VPS13B: variants seen among roughly 807,000 people sequenced by gnomAD.
VPS13B encodes the protein intermembrane lipid transfer protein VPS13B.
A neutral mutation model predicts 426.4 loss-of-function variants in VPS13B; 285 were observed. The ratio of observed to expected loss-of-function variants is 0.67; its 90% CI spans 0.61 to 0.74. VPS13B has a LOEUF of 0.74. Among genes scored for constraint, VPS13B ranks in the 30% least tolerant of loss-of-function variants. The probability of loss-of-function intolerance (pLI) is 0.00; values close to 1 mark genes in which losing one functional copy is unlikely to be tolerated. For missense variants in VPS13B, 4,537 were observed against 4,782.6 expected (o/e 0.95, Z 1.51); for synonymous variants, 1,676 against 1,676.4 (o/e 1.00, Z 0.01).
At position 99,601,792 on chromosome 8, in the gene VPS13B, C is replaced by T. The variant is rs140137547; in HGVS notation, c.5220+24159C>T. Among the ~76,000 whole-genome samples, 577 of 152,130 alleles carry T rather than the reference C, an allele frequency of 3.8e-3. 4 individuals are homozygous for T. The highest frequency in any genetic ancestry group is 0.013 in the African/African-American group (537 of 41,530). ...TTCATATGTTTGTTGGCTGCATAAA[C>T]GTCTTCTTTTGAAAAGTGTCTGTTC... On this transcript the variant is annotated intron_variant, in intron 33 of 61. Transcript: ENST00000357162.
At chr8:99,601,407 C>T (rs1006608363) in intron 33 of VPS13B, among the ~76,000 whole-genome samples, 5 of 152,148 alleles carry the variant, frequency 3.3e-5, no homozygotes, top group African/African-American at 1.2e-4. Flanking sequence ...CATTGATGGG[C>T]ATTCAGGTTG....
At chr8:99,634,456 G>A (rs1379315637) in intron 33 of VPS13B, among the ~76,000 whole-genome samples, 1 of 151,936 alleles carries the variant, frequency 6.6e-6, no homozygotes, top group East Asian at 1.9e-4. Context: ...AGCCGGAAAA[G>A]TAACTTCATG....
rs1313765466 is a variant in VPS13B at position 99,641,742 on chromosome 8, A to C, written c.5221-69A>C. Reference sequence around the variant, plus strand: ...AAATTTTCTCTTTGACAACATGTTTATATAACATTGTTTATATGACACTTG... The same window carrying C: ...AAATTTTCTCTTTGACAACATGTTTCTATAACATTGTTTATATGACACTTG... On this transcript the variant is annotated intron_variant, in intron 33 of 61. Coordinates refer to ENST00000357162, the MANE Select transcript of VPS13B (RefSeq NM_152564.5). 23 of 1,439,848 alleles carry C rather than the reference A, an allele frequency of 1.6e-5. No individual in the cohort carries two copies. In the East Asian group the frequency reaches 5.2e-4, roughly 32 times the overall value. The allele number at this position is 1,439,848 out of a possible 1,614,324, so 89.2% of individuals were successfully genotyped here. A position where few individuals can be genotyped will look rare whatever the true frequency, so the allele number is the denominator to read the frequency against.
intron 3 of VPS13B, among the ~76,000 whole-genome samples, chr8:99,073,699 CTTTTTTTTTT>C (rs71273160): frequency 1.2e-5 from 1 of 83,572 alleles, no homozygotes; most frequent in East Asian, 3.3e-4. Flanking sequence ...ATTTTCTTTC[CTTTTTTTTTT>C]TTTTTTTTTT....
At chr8:99,740,694 G>C (rs375892594) in intron 39 of VPS13B, among the ~76,000 whole-genome samples, 8 of 152,164 alleles carry the variant, frequency 5.3e-5, no homozygotes, top group Admixed American at 3.3e-4. Flanking sequence ...AAAGAATTTT[G>C]AACCCAGAAT....
intron 2 of VPS13B, among the ~76,000 whole-genome samples, chr8:99,026,642 ATATT>A (rs1842151459): frequency 6.6e-6 from 1 of 152,156 alleles, no homozygotes; most frequent in African/African-American, 2.4e-5. Context: ...GAGTGTGTAT[ATATT>A]TATAGTTGTT....
intron 19 of VPS13B, among the ~76,000 whole-genome samples, chr8:99,290,314 A>T (rs1478213322): frequency 6.6e-6 from 1 of 152,164 alleles, no homozygotes; most frequent in East Asian, 1.9e-4. Flanking sequence ...ACCATGGAAT[A>T]CTATGCAGCC....
At chr8:99,173,523 T>C (rs1305597734) in intron 16 of VPS13B, among the ~76,000 whole-genome samples, 1 of 152,182 alleles carries the variant, frequency 6.6e-6, no homozygotes, top group African/African-American at 2.4e-5. Flanking sequence ...GAAGCTATAC[T>C]TGAGTGTTTT....
chr8:99,865,446 G>A (rs1305633174), intron 58 of VPS13B, among the ~76,000 whole-genome samples: 2 of 152,208 alleles, frequency 1.3e-5, no homozygotes. Flanking sequence ...CTCTTCATGG[G>A]CACTCTTGGC....
chr8:99,239,274 A>C (rs1248788919), intron 17 of VPS13B, among the ~76,000 whole-genome samples: 1 of 152,150 alleles, frequency 6.6e-6, no homozygotes, highest in African/African-American at 2.4e-5. Flanking sequence ...TTCTGTCATA[A>C]ATTTAGAGTA....
chr8:99,476,946 A>G (rs1819725138), intron 24 of VPS13B, among the ~76,000 whole-genome samples: 1 of 152,250 alleles, frequency 6.6e-6, no homozygotes, highest in Non-Finnish European at 1.5e-5. Flanking sequence ...TCTAATTACT[A>G]ATAAGATTGA....
intron 17 of VPS13B, among the ~76,000 whole-genome samples, chr8:99,271,240 T>TACC (rs1818587510): frequency 1.4e-5 from 2 of 142,524 alleles, no homozygotes; most frequent in Non-Finnish European, 3.2e-5. Flanking sequence ...CTACTACTAC[T>TACC]ACTACTACGA....
chr8:99,301,250 C>T (rs1410538617), intron 19 of VPS13B, among the ~76,000 whole-genome samples: 3 of 150,442 alleles, frequency 2.0e-5, no homozygotes, highest in Non-Finnish European at 3.0e-5. Context: ...ATTTAGGGCT[C>T]GTTAGTATCA....
At chr8:99,163,544 G>A (rs908890846) in intron 15 of VPS13B, among the ~76,000 whole-genome samples, 6 of 152,254 alleles carry the variant, frequency 3.9e-5, no homozygotes, top group African/African-American at 9.6e-5. Flanking sequence ...GCCCTGCCCC[G>A]TGGGAAGGCA....
At chr8:99,069,111 T>C (rs1844714146) in intron 3 of VPS13B, among the ~76,000 whole-genome samples, 1 of 152,194 alleles carries the variant, frequency 6.6e-6, no homozygotes, top group South Asian at 2.1e-4. Context: ...TTTGATAACA[T>C]AATACCTACA....
intron 33 of VPS13B, among the ~76,000 whole-genome samples, chr8:99,581,481 G>A (rs1458070719): frequency 6.6e-6 from 1 of 152,050 alleles, no homozygotes; most frequent in Non-Finnish European, 1.5e-5. Flanking sequence ...TTTTAGATGG[G>A]GTGAGGCCAC....
chr8:99,307,392 G>A (rs748604716), intron 19 of VPS13B, among the ~76,000 whole-genome samples: 1 of 151,984 alleles, frequency 6.6e-6, no homozygotes, highest in African/African-American at 2.4e-5. Context: ...TTCACTCACA[G>A]ATATGAAAGC....
intron 36 of VPS13B, among the ~76,000 whole-genome samples, chr8:99,701,833 A>G (rs1161068086): frequency 6.6e-6 from 1 of 152,118 alleles, no homozygotes; most frequent in Non-Finnish European, 1.5e-5. Context: ...TGCATACTCA[A>G]ACAGTTTAGG....
chr8:99,072,573 G>A (rs1844905779), intron 3 of VPS13B, among the ~76,000 whole-genome samples: 1 of 152,080 alleles, frequency 6.6e-6, no homozygotes, highest in Non-Finnish European at 1.5e-5. Flanking sequence ...GGTGGTATAG[G>A]CACTCCCCTG....
Sources: gnomAD v4.1 joint callset for allele counts (sites outside exome capture counted in the v4.1 genomes callset) on GRCh38, gnomAD v4.1.1 for gene constraint, MANE v1.5 for transcripts, NCBI Gene and HGNC (gene_info 2026-07-23, HGNC 2026-07-21) for gene names.